Variants in SSBP3 observed in about 807,000 individuals in gnomAD.
The protein encoded by SSBP3 is single stranded DNA binding protein 3.
A neutral mutation model predicts 69.6 loss-of-function variants in SSBP3; 5 were observed. The observed-to-expected ratio is 0.07, with a 90% CI of 0.04 to 0.15. The LOEUF is 0.15. SSBP3 is among the 10% of genes least tolerant of loss of function. The pLI is 1.00. For synonymous variants in SSBP3, 196 were observed against 193.4 expected (o/e 1.01, Z -0.11); for missense variants, 312 against 534.0 (o/e 0.58, Z 4.10).
chr1:54,304,019 C>T (rs78978972), intron 4 of SSBP3, among the ~76,000 whole-genome samples: 5,648 of 152,266 alleles, frequency 0.037, 354 homozygotes, highest in South Asian at 0.16. Flanking sequence ...TGATGGGTAG[C>T]ACGGAGACAG....
intron 4 of SSBP3, among the ~76,000 whole-genome samples, chr1:54,381,882 A>G (rs1344252654): frequency 6.6e-6 from 1 of 152,230 alleles, no homozygotes; most frequent in African/African-American, 2.4e-5. Context: ...AACCAACAGG[A>G]TATATCTTAT....
intron 4 of SSBP3, among the ~76,000 whole-genome samples, chr1:54,387,918 G>T (rs925588004): frequency 5.3e-5 from 8 of 152,086 alleles, no homozygotes; most frequent in African/African-American, 1.7e-4. Context: ...TCCCTCTTAA[G>T]GCAAAAGCCT....
At chr1:54,366,121 C>A (rs79924929) in intron 4 of SSBP3, among the ~76,000 whole-genome samples, 3,605 of 152,262 alleles carry the variant, frequency 0.024, 149 homozygotes, top group African/African-American at 0.078. Flanking sequence ...CCTTAATTCC[C>A]TCTGTGAGTT....
chr1:54,305,320 C>T (rs1206833960), intron 4 of SSBP3, among the ~76,000 whole-genome samples: 2 of 152,186 alleles, frequency 1.3e-5, no homozygotes, highest in Non-Finnish European at 2.9e-5. Flanking sequence ...TCCCTTTTCA[C>T]AGCACCTGCC....
chr1:54,357,826 T>G (rs1453032106), intron 4 of SSBP3, among the ~76,000 whole-genome samples: 3 of 152,256 alleles, frequency 2.0e-5, no homozygotes, highest in Non-Finnish European at 2.9e-5. Context: ...GGATGATTTT[T>G]GCTAGCATGT....
At chr1:54,322,900 G>A (rs1646238973) in intron 4 of SSBP3, among the ~76,000 whole-genome samples, 1 of 152,182 alleles carries the variant, frequency 6.6e-6, no homozygotes, top group African/African-American at 2.4e-5. Context: ...ACTGCCCCAG[G>A]CACTTACAGG....
chr1:54,359,354 AAAGCAGAGGCTGCAG>A (rs1168236056), intron 4 of SSBP3, among the ~76,000 whole-genome samples: 2 of 152,220 alleles, frequency 1.3e-5, no homozygotes, highest in African/African-American at 4.8e-5. Context: ...CACTGAAGGT[AAAGCAGAGGCTGCAG>A]AAGAAACCAG....
chr1:54,381,152 A>C (rs1404696574), intron 4 of SSBP3, among the ~76,000 whole-genome samples: 1 of 152,068 alleles, frequency 6.6e-6, no homozygotes, highest in African/African-American at 2.4e-5. Context: ...TGGGAGGCCG[A>C]GGCTGGTGGA....
chr1:54,230,094 G>A (rs1284197309), intron 14 of SSBP3, among the ~76,000 whole-genome samples: 3 of 152,338 alleles, frequency 2.0e-5, no homozygotes, highest in South Asian at 2.1e-4. Context: ...GCAGCATGGC[G>A]TGCCAGAGCA....
At chr1:54,386,889 T>A (rs1648127608) in intron 4 of SSBP3, among the ~76,000 whole-genome samples, 1 of 151,560 alleles carries the variant, frequency 6.6e-6, no homozygotes, top group South Asian at 2.1e-4. Context: ...AAGAGGCCTC[T>A]CTCCTGTCAT....
At chr1:54,394,020 A>G (rs1341161637) in intron 4 of SSBP3, among the ~76,000 whole-genome samples, 2 of 152,226 alleles carry the variant, frequency 1.3e-5, no homozygotes, top group Admixed American at 6.5e-5. Context: ...TCGGCCTCCC[A>G]AAGTGTTGGG....
At chr1:54,350,155 C>G (rs914634754) in intron 4 of SSBP3, among the ~76,000 whole-genome samples, 2 of 152,168 alleles carry the variant, frequency 1.3e-5, no homozygotes, top group African/African-American at 4.8e-5. Flanking sequence ...GTGTGAAGAT[C>G]TGGGAAGCTG....
chr1:54,296,347 T>G (rs539049580), intron 4 of SSBP3, among the ~76,000 whole-genome samples: 2 of 152,238 alleles, frequency 1.3e-5, no homozygotes, highest in African/African-American at 4.8e-5. Flanking sequence ...GGACCATTCT[T>G]GACAAGGTCC....
chr1:54,378,941 G>A (rs966493954), intron 4 of SSBP3, among the ~76,000 whole-genome samples: 20 of 152,252 alleles, frequency 1.3e-4, no homozygotes, highest in Middle Eastern at 3.4e-3. Flanking sequence ...AACATTTTCC[G>A]AGGTGGCTTC....
Position 54,380,684 on chromosome 1 carries a change from T to C in SSBP3, c.276+21177A>G, listed in dbSNP as rs190955847. 4.0e-3 allele frequency among the ~76,000 whole-genome samples: 611 copies of C among 152,210 alleles called. 5 individuals carry two copies. Among genetic ancestry groups the C allele is most frequent in the African/African-American group, 0.014 (580 of 41,508 alleles). On this transcript the variant is annotated intron_variant, in intron 4 of 17. Coordinates refer to ENST00000610401, the Ensembl canonical transcript of SSBP3. The stretch of plus-strand genomic sequence containing the variant: ...CGCTGACTCACCGGAAAAGGTGGCA[T>C]TGTGGCTGACACCTGTGCCTCAGAG...
chr1:54,361,898 C>T lies in SSBP3; in HGVS notation c.276+39963G>A, dbSNP rs530291195. The stretch of plus-strand genomic sequence containing the variant: ...CTGGGAGGTGTTGTCATCGTCCTTC[C>T]GCCATGGGTTCAGTTCTCCCTTCCT... On this transcript the variant is annotated intron_variant, in intron 4 of 17. Transcript: ENST00000610401. Among the ~76,000 whole-genome samples the T allele has an allele frequency of 3.3e-4, 51 of 152,306 alleles. 1 individual carries two copies. The Middle Eastern group carries it at 0.014, about 41-fold the overall frequency.
chr1:54,409,225 G>A (rs1307226092), upstream of SSBP3, among the ~76,000 whole-genome samples: 1 of 151,978 alleles, frequency 6.6e-6, no homozygotes, highest in African/African-American at 2.4e-5. Context: ...CATCCTTTAA[G>A]GCTAACATCC....
intron 4 of SSBP3, among the ~76,000 whole-genome samples, chr1:54,285,887 G>A (rs1485756753): frequency 1.3e-5 from 2 of 152,254 alleles, no homozygotes; most frequent in Admixed American, 6.5e-5. Context: ...GGGAGCCCAC[G>A]GACAGGCCCC....
At chr1:54,323,289 CAG>C (rs60636536) in intron 4 of SSBP3, among the ~76,000 whole-genome samples, 6,985 of 152,266 alleles carry the variant, frequency 0.046, 365 homozygotes, top group East Asian at 0.16. Flanking sequence ...CACAAGATAA[CAG>C]ATACTTTTAC....
Sources: allele counts gnomAD v4.1 joint callset (sites outside exome capture counted in the v4.1 genomes callset), GRCh38; gene constraint gnomAD v4.1.1; transcripts MANE v1.5; gene names NCBI Gene and HGNC (gene_info 2026-07-23, HGNC 2026-07-21).